The following C10orf90 variants were observed in gnomAD, a reference collection of about 807,000 sequenced individuals.
C10orf90 encodes chromosome 10 open reading frame 90.
C10orf90 carries 56 observed loss-of-function variants against 62.5 expected under a neutral mutation model. The observed-to-expected ratio is 0.90, with a 90% CI of 0.72 to 1.12. C10orf90 has a LOEUF of 1.12. Among genes scored for constraint, C10orf90 ranks in the 50% most tolerant of loss-of-function variants. C10orf90 has a pLI of 0.00. For synonymous variants in C10orf90, 386 were observed against 340.4 expected, an observed-to-expected ratio of 1.13 and a Z score of -1.47; for missense variants, 970 against 880.4, an observed-to-expected ratio of 1.10 and a Z score of -1.29.
Position 126,425,900 on chromosome 10 carries a change from T to G in C10orf90, c.2355A>C (p.Gln785His). Residue 785 changes from glutamine (Q) to histidine (H), a missense_variant and splice_region_variant, in exon 10 of 10, where the codon CAA becomes CAC. Coordinates refer to ENST00000488181, the MANE Select transcript of C10orf90 (RefSeq NM_001350921.2). ...NRLRAEVFKK[Q>H]LLDQLLQRNA... ...TCCTTTGAAGGAGCTGGTCCAGTAA[T>G]TGCTAGAGGAAAAGGGAAACAAAGA... 1 of 1,614,070 alleles carries G rather than the reference T, an allele frequency of 6.2e-7. No homozygotes were observed.
intron 3 of C10orf90, among the ~76,000 whole-genome samples, chr10:126,509,839 C>A (rs995321701): frequency 1.3e-5 from 2 of 152,148 alleles, no homozygotes; most frequent in African/African-American, 4.8e-5. Flanking sequence ...TAAGGTCCAA[C>A]CTCTTAAAAA....
At chr10:126,640,002 A>G (rs1390739272) in intron 2 of C10orf90, among the ~76,000 whole-genome samples, 1 of 152,238 alleles carries the variant, frequency 6.6e-6, no homozygotes, top group Non-Finnish European at 1.5e-5. Context: ...GGTGTCACAC[A>G]GTGGCAAGGG....
chr10:126,610,022 C>A (rs999675413), intron 2 of C10orf90, among the ~76,000 whole-genome samples: 2 of 152,156 alleles, frequency 1.3e-5, no homozygotes, highest in Non-Finnish European at 2.9e-5. Flanking sequence ...CTGTCAGCTC[C>A]TCCAGGGGCC....
chr10:126,481,450 T>C (rs1332503850), intron 4 of C10orf90, among the ~76,000 whole-genome samples: 1 of 152,272 alleles, frequency 6.6e-6, no homozygotes, highest in Non-Finnish European at 1.5e-5. Context: ...TCATGTCAAG[T>C]GACTCACATC....
chr10:126,643,257 A>G (rs1846101024), intron 2 of C10orf90, among the ~76,000 whole-genome samples: 1 of 152,220 alleles, frequency 6.6e-6, no homozygotes, highest in African/African-American at 2.4e-5. Context: ...GGCTGCCTTA[A>G]AACAGAGTGA....
At chr10:126,588,024 C>T (rs1394707636) in intron 2 of C10orf90, among the ~76,000 whole-genome samples, 2 of 152,208 alleles carry the variant, frequency 1.3e-5, no homozygotes, top group Non-Finnish European at 2.9e-5. Flanking sequence ...CAAGTTAAAA[C>T]CCACTGGCTT....
chr10:126,584,293 T>A (rs1344384572), intron 2 of C10orf90, among the ~76,000 whole-genome samples: 1 of 151,910 alleles, frequency 6.6e-6, no homozygotes, highest in Non-Finnish European at 1.5e-5. Context: ...TGTCCATCCA[T>A]CTGCCTTTCC....
Position 126,504,029 on chromosome 10 carries a change from T to C in C10orf90, c.1462A>G (p.Thr488Ala). ...TGATCGCTGGCGTGACAATGAGTTG[T>C]ATGGTCCTTTTCCCCTTTTCTTACA... ...VTVRKGEKDHTTHCHASDHAN... is the reference protein window; with the variant it reads ...VTVRKGEKDHATHCHASDHAN... The change falls in exon 4 of 10, where the codon ACA (threonine) becomes GCA (alanine). Residue 488 changes from threonine (T) to alanine (A), a missense_variant. By Grantham distance (58) the Thr-to-Ala change is moderately conservative (BLOSUM62 0). Transcript: ENST00000488181. This position sits in a 1 kb window ranked among gnomAD's most constrained non-coding sequence, Gnocchi z 4.1. 9 of 1,614,134 alleles carry C rather than the reference T, an allele frequency of 5.6e-6. No homozygotes were observed. Among genetic ancestry groups the C allele is most frequent in the Middle Eastern group, 3.3e-4 (2 of 6,000 alleles).
intron 2 of C10orf90, chr10:126,520,968 C>A: frequency 4.5e-6 from 1 of 224,128 alleles, no homozygotes; most frequent in Non-Finnish European, 8.7e-6. Flanking sequence ...CTGCAAAGGT[C>A]CTTATCCAAA....
intron 2 of C10orf90, among the ~76,000 whole-genome samples, chr10:126,602,682 G>A (rs1353380730): frequency 6.6e-6 from 1 of 151,834 alleles, no homozygotes; most frequent in Non-Finnish European, 1.5e-5. Context: ...GATAGTAGAG[G>A]CAATTTAACC....
chr10:126,498,982 A>G (rs867891010), intron 4 of C10orf90, among the ~76,000 whole-genome samples: 2 of 152,214 alleles, frequency 1.3e-5, no homozygotes, highest in Non-Finnish European at 2.9e-5. Context: ...AGAATCCAAC[A>G]TGTAATACTG....
chr10:126,472,065 T>C (rs1241505080), intron 4 of C10orf90, among the ~76,000 whole-genome samples: 1 of 152,184 alleles, frequency 6.6e-6, no homozygotes, highest in Non-Finnish European at 1.5e-5. Context: ...TTTCAGGAAG[T>C]AGAGTCCCAG....
At chr10:126,545,476 C>T (rs1467632712) in intron 2 of C10orf90, among the ~76,000 whole-genome samples, 2 of 151,984 alleles carry the variant, frequency 1.3e-5, no homozygotes, top group Non-Finnish European at 2.9e-5. Flanking sequence ...AAAAAAAAAC[C>T]TTTAAAAGTA....
chr10:126,610,185 T>C (rs1845403130), intron 2 of C10orf90, among the ~76,000 whole-genome samples: 1 of 152,178 alleles, frequency 6.6e-6, no homozygotes, highest in South Asian at 2.1e-4. Flanking sequence ...GCCTCTGGCT[T>C]CTAGGGGGTT....
At position 126,654,845 on chromosome 10, in the gene C10orf90, C is replaced by T. The variant is rs577951191; in HGVS notation, c.241-8208G>A. On this transcript the variant is annotated intron_variant, in intron 1 of 9. Transcript: ENST00000488181. Reference sequence around the variant, plus strand: ...CTTGAACACTCAGAGGCCACTTGAGCGTTCACTTGAACACTCAGAGGCTTA... The same window carrying T: ...CTTGAACACTCAGAGGCCACTTGAGTGTTCACTTGAACACTCAGAGGCTTA... Among the ~76,000 whole-genome samples, 24 of 152,274 alleles carry T rather than the reference C, an allele frequency of 1.6e-4. No individual in the cohort carries two copies. In the South Asian group the frequency reaches 4.4e-3, roughly 28 times the overall value.
chr10:126,491,329 G>A (rs1347218709), intron 4 of C10orf90, among the ~76,000 whole-genome samples: 2 of 152,076 alleles, frequency 1.3e-5, no homozygotes, highest in Non-Finnish European at 2.9e-5. Flanking sequence ...AAGATTGAAT[G>A]CAAAAAGATT....
chr10:126,513,797 A>T, intron 3 of C10orf90, 51 bp downstream of exon 3: 1 of 1,171,066 alleles, frequency 8.5e-7, no homozygotes, highest in Non-Finnish European at 1.3e-6. Context: ...ATTATATTTT[A>T]TAGATGGGTG....
At chr10:126,432,039 C>T (rs548348843) in intron 7 of C10orf90, among the ~76,000 whole-genome samples, 13 of 152,280 alleles carry the variant, frequency 8.5e-5, no homozygotes, top group African/African-American at 3.1e-4. Context: ...AACCCATACC[C>T]CCGGGGAAGT....
At chr10:126,442,668 T>C (rs1371130652) in intron 7 of C10orf90, among the ~76,000 whole-genome samples, 1 of 100,740 alleles carries the variant, frequency 9.9e-6, no homozygotes, top group Non-Finnish European at 2.1e-5. Flanking sequence ...TATATATATA[T>C]ATATATATAG....
Sources: gnomAD v4.1 joint callset for allele counts (sites outside exome capture counted in the v4.1 genomes callset) on GRCh38, gnomAD v4.1.1 for gene constraint, Gnocchi (gnomAD v3.1) non-coding constraint, MANE v1.5 for transcripts, NCBI Gene and HGNC (gene_info 2026-07-23, HGNC 2026-07-21) for gene names.